The following SEC24D variants were observed in gnomAD, a reference collection of about 807,000 sequenced individuals.
SEC24D encodes the protein protein transport protein Sec24D.
Under a neutral mutation model 116.9 loss-of-function variants are expected in SEC24D, and 69 were observed. The observed-to-expected ratio is 0.59, with a 90% CI of 0.49 to 0.72. The LOEUF is 0.72. Ranked by LOEUF, SEC24D falls within the 30% of genes least tolerant of loss-of-function variation. The probability of loss-of-function intolerance (pLI) is 0.00; values close to 1 mark genes in which losing one functional copy is unlikely to be tolerated. For missense variants in SEC24D, 1,131 were observed against 1,264.1 expected (o/e 0.89, Z 1.60); for synonymous variants, 405 against 442.8 (o/e 0.91, Z 1.07).
intron 3 of SEC24D, 35 bp downstream of exon 3, chr4:118,824,585 A>C (rs1730520289): frequency 1.9e-6 from 3 of 1,585,762 alleles, no homozygotes; most frequent in Non-Finnish European, 8.6e-7. Flanking sequence ...TTTTAGGAGA[A>C]TATACAAACG....
chr4:118,767,612 C>T (rs1727700156), intron 9 of SEC24D, among the ~76,000 whole-genome samples: 1 of 152,082 alleles, frequency 6.6e-6, no homozygotes, highest in Non-Finnish European at 1.5e-5. Flanking sequence ...CAGTTTTCTT[C>T]AAAATCAGTA....
At chr4:118,743,571 C>T (rs187234328) in intron 15 of SEC24D, among the ~76,000 whole-genome samples, 261 of 152,128 alleles carry the variant, frequency 1.7e-3, no homozygotes, top group African/African-American at 6.0e-3. Flanking sequence ...GCTATGTAGC[C>T]CAGGCTGATT....
chr4:118,784,747 C>CG (rs909062461), intron 8 of SEC24D, among the ~76,000 whole-genome samples: 1 of 151,594 alleles, frequency 6.6e-6, no homozygotes, highest in East Asian at 1.9e-4. Context: ...CTGCCCCCCC[C>CG]CCCGCCACCA....
intron 8 of SEC24D, among the ~76,000 whole-genome samples, chr4:118,783,062 G>A (rs1474737980): frequency 1.3e-5 from 2 of 152,204 alleles, no homozygotes; most frequent in African/African-American, 2.4e-5. Flanking sequence ...GGGCTTCCCG[G>A]GTGAGGCGAC....
At chr4:118,733,133 GGT>G (rs1725779879) in intron 19 of SEC24D, 3 of 430,240 alleles carry the variant, frequency 7.0e-6, no homozygotes, top group Non-Finnish European at 1.3e-5. Context: ...ACAGCAGTCT[GGT>G]GTAGCTGTTA....
At chr4:118,777,375 C>T (rs1728185452) in intron 8 of SEC24D, among the ~76,000 whole-genome samples, 1 of 152,150 alleles carries the variant, frequency 6.6e-6, no homozygotes, top group South Asian at 2.1e-4. Flanking sequence ...GTTTGGTTTT[C>T]TGTCCTTGTG....
chr4:118,803,821 TA>T (rs1160419138), intron 7 of SEC24D, among the ~76,000 whole-genome samples: 1 of 152,194 alleles, frequency 6.6e-6, no homozygotes, highest in Non-Finnish European at 1.5e-5. Flanking sequence ...GCCTATCTCG[TA>T]ACATTACAGG....
At chr4:118,744,641 A>G (rs1436805436) in intron 14 of SEC24D, among the ~76,000 whole-genome samples, 1 of 152,172 alleles carries the variant, frequency 6.6e-6, no homozygotes, top group Non-Finnish European at 1.5e-5. Flanking sequence ...TTTGTCTAAC[A>G]TGGTAAAACT....
At chr4:118,833,447 G>C in intron 2 of SEC24D, 132 bp downstream of exon 2, 1 of 635,086 alleles carries the variant, frequency 1.6e-6, no homozygotes, top group Non-Finnish European at 2.7e-6. Context: ...TTTTCCAAAT[G>C]ATCCTGTAAT....
At chr4:118,835,847 C>A (rs1261670899) in intron 1 of SEC24D, 94 bp downstream of exon 1, 1 of 153,370 alleles carries the variant, frequency 6.5e-6, no homozygotes, top group Non-Finnish European at 1.4e-5. Context: ...CACCCGGCCT[C>A]CCGCCGCGTC....
chr4:118,750,175 G>T (rs1273520501), intron 13 of SEC24D, among the ~76,000 whole-genome samples: 1 of 152,212 alleles, frequency 6.6e-6, no homozygotes, highest in African/African-American at 2.4e-5. Context: ...TGACTATACT[G>T]ATTGCTGCAG....
chr4:118,802,575 C>T (rs1338272047), intron 7 of SEC24D, among the ~76,000 whole-genome samples: 1 of 152,176 alleles, frequency 6.6e-6, no homozygotes, highest in Non-Finnish European at 1.5e-5. Context: ...AACTTTGGGG[C>T]TCCATACCAG....
intron 8 of SEC24D, among the ~76,000 whole-genome samples, chr4:118,768,997 T>C (rs1486992495): frequency 6.6e-6 from 1 of 152,176 alleles, no homozygotes; most frequent in Non-Finnish European, 1.5e-5. Flanking sequence ...TCTTCATAGA[T>C]TATAAATAAA....
At chr4:118,835,077 C>T (rs1731033306) in intron 1 of SEC24D, among the ~76,000 whole-genome samples, 1 of 152,166 alleles carries the variant, frequency 6.6e-6, no homozygotes, top group African/African-American at 2.4e-5. Context: ...TTCTGACAAC[C>T]CCTTTTTCCT....
Position 118,790,292 on chromosome 4 carries a change from A to G in SEC24D, c.1041+7391T>C, listed in dbSNP as rs539257913. On this transcript the variant is annotated intron_variant, in intron 8 of 22. Coordinates refer to ENST00000280551, the MANE Select transcript of SEC24D (RefSeq NM_014822.4). ...CACAGATGGAGTAAAAGCTTCTACCATCTGGTTTATAGGTGAAATTACTTA... is the reference window on the plus strand; with the variant it reads ...CACAGATGGAGTAAAAGCTTCTACCGTCTGGTTTATAGGTGAAATTACTTA... Among the ~76,000 whole-genome samples, 32 of 152,344 alleles carry G rather than the reference A, an allele frequency of 2.1e-4. 1 individual carries two copies. The South Asian group carries it at 6.6e-3, about 32-fold the overall frequency.
intron 3 of SEC24D, 54 bp from the exon 4 acceptor site, chr4:118,817,466 C>A (rs954205173): frequency 1.3e-5 from 20 of 1,492,408 alleles, no homozygotes; most frequent in South Asian, 3.9e-5. Flanking sequence ...AAGCAAATGG[C>A]GTACAATAAT....
At chr4:118,785,790 T>C (rs1245920750) in intron 8 of SEC24D, among the ~76,000 whole-genome samples, 1 of 152,122 alleles carries the variant, frequency 6.6e-6, no homozygotes, top group African/African-American at 2.4e-5. Flanking sequence ...GTTTCCTCCT[T>C]CTTATATAAT....
intron 11 of SEC24D, among the ~76,000 whole-genome samples, chr4:118,754,571 G>A (rs545486653): frequency 7.2e-5 from 11 of 152,190 alleles, no homozygotes; most frequent in African/African-American, 2.4e-4. Context: ...CCTGAGGGTC[G>A]GGTACAATGT....
chr4:118,723,961 G>C (rs1401157519), intron 22 of SEC24D, among the ~76,000 whole-genome samples: 1 of 152,176 alleles, frequency 6.6e-6, no homozygotes, highest in Non-Finnish European at 1.5e-5. Flanking sequence ...GCTAGAAAGT[G>C]TTCCATACTG....
Sources: gnomAD v4.1 joint callset for allele counts (sites outside exome capture counted in the v4.1 genomes callset) on GRCh38, gnomAD v4.1.1 for gene constraint, MANE v1.5 for transcripts, NCBI Gene and HGNC (gene_info 2026-07-23, HGNC 2026-07-21) for gene names.